The following ARL15 variants were observed in gnomAD, a reference collection of about 807,000 sequenced individuals.
ARL15 encodes ADP-ribosylation factor-like protein 15.
In ARL15, 19 loss-of-function variants were observed where a neutral mutation model predicts 25.2. That is an observed-to-expected ratio of 0.75 (90% CI 0.53 to 1.10). The LOEUF is 1.10. Among genes scored for constraint, ARL15 ranks in the 50% least tolerant of loss-of-function variants. The probability of loss-of-function intolerance (pLI) is 0.00; values close to 1 mark genes in which losing one functional copy is unlikely to be tolerated. For synonymous variants in ARL15, 94 were observed against 86.8 expected (o/e 1.08, Z -0.46); for missense variants, 220 against 246.0 (o/e 0.89, Z 0.71).
intron 4 of ARL15, among the ~76,000 whole-genome samples, chr5:54,026,318 G>C (rs184761299): frequency 1.3e-5 from 2 of 152,220 alleles, no homozygotes; most frequent in East Asian, 1.9e-4. Flanking sequence ...ACCCAGGCTA[G>C]AGTGCAGTGG....
rs1161910898 is a variant in ARL15, at chr5:53,885,261, C to T, written c.*1300G>A. ...TAGTATTTTAAGTGGTCAAAGTCTA[C>T]AAAGTATGCCAAAGAATATTTCATC... is the stretch of plus-strand genomic sequence containing the variant. On this transcript the variant is annotated 3_prime_UTR_variant, in exon 5 of 5. Coordinates refer to ENST00000504924, the MANE Select transcript of ARL15 (RefSeq NM_019087.3). 6.6e-6 allele frequency: 1 copy of T among 152,490 alleles called. No homozygotes were observed. The highest frequency in any genetic ancestry group is 6.6e-5 in the Admixed American group (1 of 15,260). 9.4% of individuals were successfully genotyped at this position (152,490 alleles called of 1,614,324 possible).
intron 1 of ARL15, among the ~76,000 whole-genome samples, chr5:54,225,151 A>G (rs1353157004): frequency 6.6e-6 from 1 of 152,194 alleles, no homozygotes. Context: ...GGCACACAGT[A>G]GGTACTCAAT....
intron 4 of ARL15, among the ~76,000 whole-genome samples, chr5:53,989,942 G>A (rs1254341366): frequency 6.6e-6 from 1 of 152,138 alleles, no homozygotes; most frequent in Non-Finnish European, 1.5e-5. Context: ...AAGTTTTAAA[G>A]AAAGCACAAG....
intron 1 of ARL15, among the ~76,000 whole-genome samples, chr5:54,272,999 A>AT (rs1219705129): frequency 7.2e-5 from 11 of 152,218 alleles, no homozygotes; most frequent in Non-Finnish European, 1.5e-4. Context: ...TCTAGCCACA[A>AT]GAACTACCTA....
At chr5:54,190,754 G>T (rs1755375554) in intron 1 of ARL15, among the ~76,000 whole-genome samples, 1 of 152,124 alleles carries the variant, frequency 6.6e-6, no homozygotes, top group African/African-American at 2.4e-5. Flanking sequence ...GAATTTTGGG[G>T]AGGACATGCA....
chr5:54,149,932 A>G lies in ARL15; in HGVS notation c.253+4648T>C, dbSNP rs751006693. ...CAAAAAGTTCACGAAGTAATACTAT[A>G]AAATGTCCTGCGTAGGAATCAGGAC... is the stretch of plus-strand genomic sequence containing the variant. On this transcript the variant is annotated intron_variant, in intron 3 of 4. Transcript: ENST00000504924. Among the ~76,000 whole-genome samples the G allele has an allele frequency of 7.9e-5, 12 of 152,248 alleles. 1 individual carries two copies. Among genetic ancestry groups the G allele is most frequent in the African/African-American group, 2.7e-4 (11 of 41,470 alleles).
At chr5:54,074,169 G>A (rs1247818791) in intron 4 of ARL15, among the ~76,000 whole-genome samples, 1 of 152,162 alleles carries the variant, frequency 6.6e-6, no homozygotes, top group Non-Finnish European at 1.5e-5. Context: ...AAATGGTGTG[G>A]GTGGTGGGAA....
chr5:54,032,599 C>CA (rs34957256), intron 4 of ARL15, among the ~76,000 whole-genome samples: 47,705 of 142,750 alleles, frequency 0.33, 8,826 homozygotes, highest in African/African-American at 0.53. Flanking sequence ...GGTACAATGA[C>CA]AAAAAAAAAA....
At chr5:54,178,350 C>T (rs891647409) in intron 1 of ARL15, among the ~76,000 whole-genome samples, 4 of 152,252 alleles carry the variant, frequency 2.6e-5, no homozygotes, top group South Asian at 2.1e-4. Flanking sequence ...TTTCTTCAGT[C>T]GGCTTTGGGA....
intron 1 of ARL15, among the ~76,000 whole-genome samples, chr5:54,284,315 G>A (rs1758135173): frequency 6.6e-6 from 1 of 152,134 alleles, no homozygotes; most frequent in East Asian, 1.9e-4. Context: ...ATGTTTCCCA[G>A]GCTGGTCTCG....
chr5:54,150,762 C>T (rs1264003340), intron 3 of ARL15, among the ~76,000 whole-genome samples: 1 of 149,620 alleles, frequency 6.7e-6, no homozygotes, highest in Non-Finnish European at 1.5e-5. Flanking sequence ...TGCACCACTG[C>T]ATTCCATCCT....
chr5:54,007,200 G>A (rs1580164451), intron 4 of ARL15, among the ~76,000 whole-genome samples: 1 of 138,600 alleles, frequency 7.2e-6, no homozygotes, highest in East Asian at 2.5e-4. Context: ...CAAAACTTCA[G>A]GTCTGTGGCT....
At chr5:53,930,650 G>C (rs1302619435) in intron 4 of ARL15, among the ~76,000 whole-genome samples, 1 of 152,012 alleles carries the variant, frequency 6.6e-6, no homozygotes, top group Non-Finnish European at 1.5e-5. Flanking sequence ...TATTTTCGGT[G>C]GTCGATTCAC....
intron 1 of ARL15, among the ~76,000 whole-genome samples, chr5:54,246,058 T>C (rs1757079151): frequency 6.6e-6 from 1 of 152,178 alleles, no homozygotes; most frequent in African/African-American, 2.4e-5. Context: ...GATAGATTTC[T>C]GAGCCTTAAT....
At position 53,996,477 on chromosome 5, in the gene ARL15, G is replaced by T. The variant is rs138786452; in HGVS notation, c.463-109764C>A. 3.4e-4 allele frequency among the ~76,000 whole-genome samples: 52 copies of T among 152,108 alleles called. No homozygotes were observed. In the East Asian group the frequency reaches 8.7e-3, roughly 25 times the overall value. The stretch of plus-strand genomic sequence containing the variant: ...CCACTAAAAATACAAAAATTAGCTG[G>T]GCACGGTGGTGCACATCTGTAATCC... On this transcript the variant is annotated intron_variant, in intron 4 of 4. Transcript: ENST00000504924.
chr5:54,009,842 G>A (rs1182663586), intron 4 of ARL15, among the ~76,000 whole-genome samples: 1 of 152,154 alleles, frequency 6.6e-6, no homozygotes, highest in Non-Finnish European at 1.5e-5. Flanking sequence ...ACCCATTTTA[G>A]CAATATTCCA....
intron 4 of ARL15, among the ~76,000 whole-genome samples, chr5:54,087,075 G>A (rs1410705116): frequency 4.6e-5 from 7 of 152,108 alleles, no homozygotes; most frequent in Non-Finnish European, 8.8e-5. Flanking sequence ...GGTGGCTCAC[G>A]CCTGTAATCG....
At chr5:53,983,120 A>G (rs565466100) in intron 4 of ARL15, among the ~76,000 whole-genome samples, 20 of 151,888 alleles carry the variant, frequency 1.3e-4, no homozygotes, top group Non-Finnish European at 2.8e-4. Flanking sequence ...CTTTTTTAGT[A>G]TGGCGTATAG....
At chr5:54,049,004 T>C (rs1396998721) in intron 4 of ARL15, among the ~76,000 whole-genome samples, 2 of 151,994 alleles carry the variant, frequency 1.3e-5, no homozygotes, top group South Asian at 2.1e-4. Context: ...AGTTCCAAAA[T>C]GTATAATTGG....
Sources: allele counts gnomAD v4.1 joint callset (sites outside exome capture counted in the v4.1 genomes callset), GRCh38; gene constraint gnomAD v4.1.1; transcripts MANE v1.5; gene names NCBI Gene and HGNC (gene_info 2026-07-23, HGNC 2026-07-21).